PAX3: variants seen among roughly 807,000 people sequenced by gnomAD.
PAX3 encodes paired box 3, also known as paired box protein Pax-3.
Under a neutral mutation model 51.6 loss-of-function variants are expected in PAX3, and 14 were observed. The ratio of observed to expected loss-of-function variants is 0.27; its 90% CI spans 0.18 to 0.42. PAX3 has a LOEUF of 0.42. Ranked by LOEUF, PAX3 falls within the 10% of genes least tolerant of loss-of-function variation. The pLI is 1.00. For missense variants in PAX3, 540 were observed against 642.8 expected, an observed-to-expected ratio of 0.84 and a Z score of 1.73; for synonymous variants, 280 against 253.4, an observed-to-expected ratio of 1.11 and a Z score of -1.00.
chr2:222,284,612 C>CGT lies in PAX3; in HGVS notation c.586+9553_586+9554dup, dbSNP rs71053066. ...GTGGTGTGGGGTGTGTGTCTGTGTG[C>CGT]GTGTGTGTGTGTGTGTGTGTGTGTG... On this transcript the variant is annotated intron_variant, in intron 4 of 8. Transcript: ENST00000392070. 4.3e-3 allele frequency among the ~76,000 whole-genome samples: 640 copies of CGT among 150,448 alleles called. 1 individual carries two copies. The highest frequency in any genetic ancestry group is 7.1e-3 in the Non-Finnish European group (482 of 67,480).
intron 4 of PAX3, among the ~76,000 whole-genome samples, chr2:222,252,661 C>T (rs532978463): frequency 2.0e-5 from 3 of 152,220 alleles, no homozygotes; most frequent in East Asian, 3.9e-4. Flanking sequence ...TGCCCTATCT[C>T]GTGTTATTCT....
intron 4 of PAX3, among the ~76,000 whole-genome samples, chr2:222,261,812 G>T (rs1334961295): frequency 6.6e-6 from 1 of 152,176 alleles, no homozygotes; most frequent in Non-Finnish European, 1.5e-5. Context: ...TGAGGAGATT[G>T]ACCTTTTCTT....
intron 4 of PAX3, among the ~76,000 whole-genome samples, chr2:222,251,154 G>A (rs1693416368): frequency 6.6e-6 from 1 of 151,942 alleles, no homozygotes; most frequent in African/African-American, 2.4e-5. Flanking sequence ...TGCACAACGT[G>A]CAGGTTTGTT....
chr2:222,233,248 G>A (rs965949309), intron 4 of PAX3, among the ~76,000 whole-genome samples: 6 of 152,170 alleles, frequency 3.9e-5, no homozygotes, highest in Admixed American at 1.3e-4. Context: ...CTGTGTGGTG[G>A]CCTAACACAC....
At position 222,294,192 on chromosome 2, in the gene PAX3, G is replaced by C. The variant is rs375978379; in HGVS notation, c.561C>G (p.Ser187Arg). 2.1e-4 allele frequency: 337 copies of C among 1,614,222 alleles called. No individual in the cohort carries two copies. Among genetic ancestry groups the C allele is most frequent in the Non-Finnish European group, 2.8e-4 (332 of 1,180,044 alleles). ...CTCGCTCGCTCAGGATGCCGTCGAT[G>C]CTGTGTTTGGCCTTCTTCTCGCTTT... ...AEESEKKAKH[S>R]IDGILSERAS... The change falls in exon 4 of 9, where the codon AGC (serine) becomes AGG (arginine). Residue 187 changes from serine (S) to arginine (R), a missense_variant. By Grantham distance (110) the Ser-to-Arg change is moderately radical. Transcript: ENST00000392070.
At chr2:222,232,927 G>T (rs1452575299) in intron 4 of PAX3, 1 of 153,728 alleles carries the variant, frequency 6.5e-6, no homozygotes, top group Non-Finnish European at 1.4e-5. Flanking sequence ...ATGCTTTAAA[G>T]AAAATGTATG....
chr2:222,294,852 T>G (rs1386433186), intron 3 of PAX3, among the ~76,000 whole-genome samples: 2 of 149,268 alleles, frequency 1.3e-5, no homozygotes, highest in Non-Finnish European at 3.0e-5. Context: ...AAATTTCAAC[T>G]GCAGAATCGT....
At chr2:222,252,527 T>C (rs1408009330) in intron 4 of PAX3, among the ~76,000 whole-genome samples, 1 of 152,178 alleles carries the variant, frequency 6.6e-6, no homozygotes, top group Non-Finnish European at 1.5e-5. Flanking sequence ...GTGACAAACT[T>C]CATCCCCACA....
intron 4 of PAX3, chr2:222,242,485 C>T (rs1693054341): frequency 6.6e-6 from 1 of 152,166 alleles, no homozygotes. Flanking sequence ...TCATCCCCAT[C>T]TTACAGATGG....
chr2:222,256,028 C>T (rs1020482421), intron 4 of PAX3, among the ~76,000 whole-genome samples: 1 of 150,918 alleles, frequency 6.6e-6, no homozygotes, highest in African/African-American at 2.4e-5. Context: ...TTTGCCCTCC[C>T]ATGGTGCTGG....
rs183856743 is a variant in PAX3 at position 222,280,620 on chromosome 2, G to A, written c.586+13547C>T. Among the ~76,000 whole-genome samples the A allele has an allele frequency of 1.5e-3, 222 of 152,224 alleles. 2 individuals are homozygous for A. The highest frequency in any genetic ancestry group is 5.1e-3 in the African/African-American group (213 of 41,538). ...CCTCTTACAAAAGCAAGATGAGATG[G>A]TCATCCCACTTATCCATTGGTTTTA... On this transcript the variant is annotated intron_variant, in intron 4 of 8. Coordinates refer to ENST00000392070, the MANE Select transcript of PAX3 (RefSeq NM_181458.4).
chr2:222,265,578 T>A (rs1694017694), intron 4 of PAX3, among the ~76,000 whole-genome samples: 1 of 149,600 alleles, frequency 6.7e-6, no homozygotes. Flanking sequence ...GCGTGAAGCC[T>A]GGAGGCGGAG....
rs900600779 is a variant in PAX3 at position 222,201,444 on chromosome 2, T to C, written c.1421-2A>G. 3 of 1,613,958 alleles carry C rather than the reference T, an allele frequency of 1.9e-6. No homozygotes were observed. The African/African-American group carries it at 4.0e-5, about 22-fold the overall frequency. ...CTGGCTTGAGATAATGAAAGGCACCTGTAAGGAAACACACGCAGCTTTTTA... is the reference window on the plus strand; with the variant it reads ...CTGGCTTGAGATAATGAAAGGCACCCGTAAGGAAACACACGCAGCTTTTTA... On this transcript the variant is annotated splice_acceptor_variant, in intron 8 of 8. Coordinates refer to ENST00000392070, the MANE Select transcript of PAX3 (RefSeq NM_181458.4). LOFTEE classifies it high-confidence loss of function.
chr2:222,283,082 T>C (rs1283891967), intron 4 of PAX3, among the ~76,000 whole-genome samples: 1 of 152,246 alleles, frequency 6.6e-6, no homozygotes, highest in Admixed American at 6.5e-5. Flanking sequence ...CTTTTGTCCT[T>C]ACCAGGGAGG....
chr2:222,276,526 A>AAGTC (rs1235783336), intron 4 of PAX3, among the ~76,000 whole-genome samples: 4 of 152,148 alleles, frequency 2.6e-5, no homozygotes, highest in African/African-American at 9.7e-5. Context: ...TACCTTCTAC[A>AAGTC]AGTCTGCTGA....
chr2:222,229,917 C>T (rs1019692657), intron 5 of PAX3, among the ~76,000 whole-genome samples: 9 of 152,326 alleles, frequency 5.9e-5, no homozygotes, highest in Admixed American at 2.0e-4. Flanking sequence ...AGCACAATGG[C>T]TCATGCCTAT....
rs374339768 is a variant in PAX3, at chr2:222,260,591, GTT to G, written c.587-28310_587-28309del. On this transcript the variant is annotated intron_variant, in intron 4 of 8. Coordinates refer to ENST00000392070, the MANE Select transcript of PAX3 (RefSeq NM_181458.4). Reference sequence around the variant, plus strand: ...TTTTTTTTTTTTGTTTTTTTTTTTTGTTTTTTTTTTTTTTTTTTGAGGCAAAG... The same window carrying G: ...TTTTTTTTTTTTGTTTTTTTTTTTTGTTTTTTTTTTTTTTTTGAGGCAAAG... 5.6e-3 allele frequency among the ~76,000 whole-genome samples: 352 copies of G among 63,084 alleles called. 9 individuals carry two copies. Among genetic ancestry groups the G allele is most frequent in the African/African-American group, 0.021 (310 of 14,922 alleles). The allele number at this position is 63,084 out of a possible 152,430, so 41.4% of individuals were successfully genotyped here. A position where few individuals can be genotyped will look rare whatever the true frequency, so the allele number is the denominator to read the frequency against.
At chr2:222,217,551 A>T (rs1392446538) in intron 7 of PAX3, among the ~76,000 whole-genome samples, 1 of 152,156 alleles carries the variant, frequency 6.6e-6, no homozygotes, top group Non-Finnish European at 1.5e-5. Context: ...TTAGATAACC[A>T]GACAGAGGTA....
chr2:222,236,451 G>A (rs185775454), intron 4 of PAX3, among the ~76,000 whole-genome samples: 16 of 152,222 alleles, frequency 1.1e-4, no homozygotes, highest in African/African-American at 3.9e-4. Context: ...GAGCACATAG[G>A]AGGGCCATTT....
Sources: allele counts gnomAD v4.1 joint callset (sites outside exome capture counted in the v4.1 genomes callset), GRCh38; gene constraint gnomAD v4.1.1; transcripts MANE v1.5; gene names NCBI Gene and HGNC (gene_info 2026-07-23, HGNC 2026-07-21).